The following ADAM12 variants were observed in gnomAD, a reference collection of about 807,000 sequenced individuals.
ADAM12 encodes the protein ADAM metallopeptidase domain 12.
ADAM12 carries 70 observed loss-of-function variants against 106.4 expected under a neutral mutation model. The ratio of observed to expected loss-of-function variants is 0.66; its 90% CI spans 0.54 to 0.80. The LOEUF is 0.80. Among genes scored for constraint, ADAM12 ranks in the 30% least tolerant of loss-of-function variants. The pLI, the probability that ADAM12 is intolerant of heterozygous loss-of-function variation, is 0.00. For synonymous variants in ADAM12, 420 were observed against 433.5 expected, an observed-to-expected ratio of 0.97 and a Z score of 0.39; for missense variants, 1,010 against 1,171.9, an observed-to-expected ratio of 0.86 and a Z score of 2.02.
At position 126,017,256 on chromosome 10, in the gene ADAM12, T is replaced by G; in HGVS notation, c.*23A>C. On this transcript the variant is annotated 3_prime_UTR_variant, in exon 23 of 23. Transcript: ENST00000448723. ...AGATAGTGCAAACTTCTGTCTTCAC[T>G]GTTGAAAAAAGGTGTCGGCTTCTCA... The G allele has an allele frequency of 1.3e-6, 2 of 1,575,150 alleles. No individual in the cohort carries two copies. The highest frequency in any genetic ancestry group is 1.2e-5 in the South Asian group (1 of 85,506).
At chr10:126,313,390 G>A (rs1961201882) in intron 2 of ADAM12, among the ~76,000 whole-genome samples, 1 of 152,206 alleles carries the variant, frequency 6.6e-6, no homozygotes, top group African/African-American at 2.4e-5. Flanking sequence ...GAGGGCCTTG[G>A]AAGGGCAAGG....
intron 11 of ADAM12, among the ~76,000 whole-genome samples, chr10:126,087,967 C>T (rs1459124434): frequency 1.3e-5 from 2 of 152,214 alleles, no homozygotes; most frequent in Admixed American, 6.5e-5. Flanking sequence ...CTTCCGAGAT[C>T]GGTTTAGACT....
chr10:126,302,532 T>C (rs548585834), intron 2 of ADAM12, among the ~76,000 whole-genome samples: 30 of 152,278 alleles, frequency 2.0e-4, no homozygotes, highest in Admixed American at 2.0e-3. Flanking sequence ...ACCCCTTTCG[T>C]GAGGACACTT....
At chr10:126,227,558 T>C (rs1958222145) in intron 3 of ADAM12, among the ~76,000 whole-genome samples, 1 of 151,972 alleles carries the variant, frequency 6.6e-6, no homozygotes, top group African/African-American at 2.4e-5. Context: ...AAACATAAAT[T>C]CTCAGTCCGC....
rs560957949 is a variant in ADAM12 at position 126,105,991 on chromosome 10, CCTCT to C, written c.741+2598_741+2601del. On this transcript the variant is annotated intron_variant, in intron 8 of 22. Transcript: ENST00000448723. ...TCCAGAAAGTTCCATGTAGCCATAG[CCTCT>C]CTCTGAGTGGCAAACCCAGATCTCT... 6.8e-3 allele frequency among the ~76,000 whole-genome samples: 1,035 copies of C among 152,298 alleles called. 11 individuals are homozygous for C. Among genetic ancestry groups the C allele is most frequent in the African/African-American group, 0.023 (961 of 41,564 alleles).
intron 3 of ADAM12, chr10:126,272,948 T>C (rs888199252): frequency 3.5e-5 from 6 of 170,330 alleles, no homozygotes; most frequent in Admixed American, 2.2e-4. Context: ...CTTCCTCATA[T>C]GCTCAAAGAT....
At chr10:126,273,302 A>G (rs1416690608) in intron 3 of ADAM12, 1 of 153,214 alleles carries the variant, frequency 6.5e-6, no homozygotes, top group African/African-American at 2.4e-5. Flanking sequence ...CAGGAAAGGG[A>G]ACTTGTGACC....
intron 3 of ADAM12, among the ~76,000 whole-genome samples, chr10:126,216,449 A>G (rs1957988827): frequency 6.6e-6 from 1 of 152,200 alleles, no homozygotes; most frequent in Non-Finnish European, 1.5e-5. Context: ...CAGAGCTCGA[A>G]AGCTCTCAAT....
At chr10:126,060,973 C>T (rs1954743436) in intron 14 of ADAM12, among the ~76,000 whole-genome samples, 1 of 152,228 alleles carries the variant, frequency 6.6e-6, no homozygotes, top group Non-Finnish European at 1.5e-5. Flanking sequence ...ACACACAGAA[C>T]TACCTGCACT....
chr10:126,328,759 T>C (rs1240686689), intron 2 of ADAM12, among the ~76,000 whole-genome samples: 1 of 152,220 alleles, frequency 6.6e-6, no homozygotes, highest in Non-Finnish European at 1.5e-5. Flanking sequence ...GGTGTATGCC[T>C]GTCACCCACA....
At chr10:126,128,737 G>A (rs1047320397) in intron 5 of ADAM12, among the ~76,000 whole-genome samples, 8 of 149,748 alleles carry the variant, frequency 5.3e-5, no homozygotes, top group Non-Finnish European at 7.4e-5. Flanking sequence ...TGTGTGGTGC[G>A]TGTGTGGGAA....
chr10:126,158,774 G>A (rs1313813939), intron 3 of ADAM12, among the ~76,000 whole-genome samples: 2 of 146,180 alleles, frequency 1.4e-5, no homozygotes, highest in African/African-American at 5.1e-5. Context: ...GTGGGAGGAT[G>A]AGCAGAGCAT....
Position 126,045,046 on chromosome 10 carries a change from C to T in ADAM12, c.1995+1009G>A, listed in dbSNP as rs112856674. 4.3e-3 allele frequency among the ~76,000 whole-genome samples: 661 copies of T among 152,284 alleles called. 8 individuals carry two copies. The highest frequency in any genetic ancestry group is 0.015 in the African/African-American group (629 of 41,558). On this transcript the variant is annotated intron_variant, in intron 17 of 22. Coordinates refer to ENST00000448723, the MANE Select transcript of ADAM12 (RefSeq NM_001288973.2). ...CTCCACCTACCCAGCAAATGCGGGC[C>T]TCTCCGCTCCCATGTGTGGATAAGG...
intron 3 of ADAM12, among the ~76,000 whole-genome samples, chr10:126,268,462 C>T (rs1390275614): frequency 6.6e-6 from 1 of 152,110 alleles, no homozygotes; most frequent in Non-Finnish European, 1.5e-5. Context: ...CTGTAAGTCC[C>T]TGATGAAGCC....
chr10:126,049,134 C>T lies in ADAM12; in HGVS notation c.1917+119G>A. The T allele has an allele frequency of 3.2e-6, 4 of 1,260,808 alleles. No individual in the cohort carries two copies. The highest frequency in any genetic ancestry group is 4.5e-6 in the Non-Finnish European group (4 of 888,508). The allele number at this position is 1,260,808 out of a possible 1,614,324, so 78.1% of individuals were successfully genotyped here. On this transcript the variant is annotated intron_variant, in intron 16 of 22. Transcript: ENST00000448723. This position sits in a 1 kb window ranked among gnomAD's most constrained non-coding sequence, Gnocchi z 4.4. ...ATTTATTGACTTTTTCTTCTAGGTGCATCTGAGAAGAAGTAGATTTAGGAA... is the reference window on the plus strand; with the variant it reads ...ATTTATTGACTTTTTCTTCTAGGTGTATCTGAGAAGAAGTAGATTTAGGAA...
intron 11 of ADAM12, among the ~76,000 whole-genome samples, chr10:126,076,748 G>C (rs1477178417): frequency 6.6e-6 from 1 of 152,068 alleles, no homozygotes; most frequent in Non-Finnish European, 1.5e-5. Flanking sequence ...GTAGATTCTG[G>C]ATATTAGACC....
intron 4 of ADAM12, among the ~76,000 whole-genome samples, chr10:126,137,938 T>G (rs575629639): frequency 2.0e-5 from 3 of 152,356 alleles, no homozygotes; most frequent in Non-Finnish European, 2.9e-5. Context: ...GCTGGTTATA[T>G]GGAAACTCAA....
chr10:126,363,761 C>T (rs572263996), intron 1 of ADAM12, among the ~76,000 whole-genome samples: 17 of 152,302 alleles, frequency 1.1e-4, no homozygotes, highest in African/African-American at 3.8e-4. Flanking sequence ...GCAAGCCTAA[C>T]GGAGACCAGA....
intron 2 of ADAM12, among the ~76,000 whole-genome samples, chr10:126,319,623 A>G (rs1854027046): frequency 6.6e-6 from 1 of 152,194 alleles, no homozygotes; most frequent in Non-Finnish European, 1.5e-5. Context: ...TGAACACGAT[A>G]TAATGTGAGG....
Sources: allele counts gnomAD v4.1 joint callset (sites outside exome capture counted in the v4.1 genomes callset), GRCh38; gene constraint gnomAD v4.1.1; non-coding constraint Gnocchi (gnomAD v3.1); transcripts MANE v1.5; gene names NCBI Gene and HGNC (gene_info 2026-07-23, HGNC 2026-07-21).